The following TMX3 variants were observed in gnomAD, a reference collection of about 807,000 sequenced individuals.
TMX3 encodes protein disulfide-isomerase TMX3.
Under a neutral mutation model 64.4 loss-of-function variants are expected in TMX3, and 40 were observed. That is an observed-to-expected ratio of 0.62 (90% confidence interval 0.48 to 0.81). TMX3 has a LOEUF of 0.81. TMX3 is among the 30% of genes least tolerant of loss of function. The pLI is 0.00. For missense variants in TMX3, 497 were observed against 534.5 expected (o/e 0.93, Z 0.69); for synonymous variants, 189 against 175.7 (o/e 1.08, Z -0.60).
intron 4 of TMX3, among the ~76,000 whole-genome samples, 184 bp downstream of exon 4, chr18:68,709,837 C>CATATACTACATACT (rs1555691256): frequency 1.6e-5 from 2 of 127,006 alleles, no homozygotes; most frequent in African/African-American, 9.9e-5. Context: ...ATAAGATTAA[C>CATATACTACATACT]ACACACTACA....
intron 4 of TMX3, among the ~76,000 whole-genome samples, chr18:68,706,740 C>G (rs2030714152): frequency 6.6e-6 from 1 of 152,108 alleles, no homozygotes; most frequent in African/African-American, 2.4e-5. Context: ...CCATTTTTTA[C>G]CTGTTTGATT....
Position 68,700,425 on chromosome 18 carries a change from C to T in TMX3, c.372G>A (p.Glu124=). ...CTTACCCAGATACTCTGTGAGCAAA[C>T]TCAATAATATCATCTTTTGTTCGTG... is the stretch of plus-strand genomic sequence containing the variant. The part of the protein sequence containing the change: ...RGPRTKDDII[E]FAHRVSGALI... Residue 124 remains glutamate (E), a synonymous_variant, in exon 6 of 16, where the codon GAG becomes GAA. Coordinates refer to ENST00000299608, the MANE Select transcript of TMX3 (RefSeq NM_019022.5). The T allele has an allele frequency of 1.3e-6, 2 of 1,577,732 alleles. No homozygotes were observed. Among genetic ancestry groups the T allele is most frequent in the Non-Finnish European group, 1.7e-6 (2 of 1,163,812 alleles).
chr18:68,700,374 C>G (rs779271564), intron 6 of TMX3, 31 bp downstream of exon 6: 5 of 1,364,650 alleles, frequency 3.7e-6, no homozygotes, highest in Non-Finnish European at 5.0e-6. Flanking sequence ...ATATTAATAA[C>G]ATACAGTAAA....
chr18:68,676,704 C>A lies in TMX3; in HGVS notation c.*229G>T, dbSNP rs976710074. ...ATTGTTCTGTTCTAATCACAAAGAT[C>A]AGGTAAATTTTGATGGAGTGCTCTG... On this transcript the variant is annotated 3_prime_UTR_variant, in exon 16 of 16. Transcript: ENST00000299608. 2 of 539,616 alleles carry A rather than the reference C, an allele frequency of 3.7e-6. No individual in the cohort carries two copies. The highest frequency in any genetic ancestry group is 3.8e-5 in the African/African-American group (2 of 52,484). 33.4% of individuals were successfully genotyped at this position (539,616 alleles called of 1,614,324 possible).
At chr18:68,701,006 C>A in intron 5 of TMX3, 1 of 984,910 alleles carries the variant, frequency 1.0e-6, no homozygotes, top group Non-Finnish European at 1.2e-6. Context: ...AATCTGTGTG[C>A]CTAATTAACT....
rs570633287 is a variant in TMX3 at position 68,677,908 on chromosome 18, T to C, written c.1105-715A>G. ...GGATGAGTGAGAAGGAGGCAGGATA[T>C]GGGACAAGTGAGCACCAGGCAATTT... On this transcript the variant is annotated intron_variant, in intron 15 of 15. Transcript: ENST00000299608. Among the ~76,000 whole-genome samples the C allele has an allele frequency of 2.0e-5, 3 of 152,246 alleles. No homozygotes were observed. In the East Asian group the frequency reaches 5.8e-4, roughly 29 times the overall value.
At position 68,681,116 on chromosome 18, in the gene TMX3, A is replaced by G; in HGVS notation, c.906-6T>C. 6.5e-7 allele frequency: 1 copy of G among 1,549,646 alleles called. No individual in the cohort carries two copies. The highest frequency in any genetic ancestry group is 8.7e-7 in the Non-Finnish European group (1 of 1,150,798). ...CAGTTGGGACTGTCAATTCACTGAA[A>G]ATATAAAAACAAATCAAAATATACA... On this transcript the variant is annotated splice_region_variant and splice_polypyrimidine_tract_variant and intron_variant, in intron 13 of 15. Transcript: ENST00000299608.
At position 68,713,874 on chromosome 18, in the gene TMX3, TAC is replaced by T; in HGVS notation, c.71_72del (p.Cys24Ter). 1 of 1,578,626 alleles carries T rather than the reference TAC, an allele frequency of 6.3e-7. No homozygotes were observed. Among genetic ancestry groups the T allele is most frequent in the Non-Finnish European group, 8.7e-7 (1 of 1,154,146 alleles). ...ATVVVLDMVV[C>X]KGFVEDLDES... ...TCATCTAAATCTTCTACAAATCCTT[TAC>T]AGACGACCATATCAAGTACAACAAC... is the stretch of plus-strand genomic sequence containing the variant. On this transcript the variant is annotated frameshift_variant, in exon 2 of 16. Coordinates refer to ENST00000299608, the MANE Select transcript of TMX3 (RefSeq NM_019022.5). LOFTEE classifies it high-confidence loss of function.
intron 8 of TMX3, among the ~76,000 whole-genome samples, chr18:68,695,414 CT>C (rs1413629182): frequency 6.6e-6 from 1 of 152,178 alleles, no homozygotes. Flanking sequence ...CTTGACTTAA[CT>C]CTAGACCCCT....
chr18:68,692,936 C>CTAGA (rs1914663723), intron 8 of TMX3, among the ~76,000 whole-genome samples: 1 of 152,190 alleles, frequency 6.6e-6, no homozygotes, highest in South Asian at 2.1e-4. Flanking sequence ...GTGCCAGCAC[C>CTAGA]TAGAACACAG....
chr18:68,690,643 G>A (rs777620456), intron 9 of TMX3, among the ~76,000 whole-genome samples: 1 of 152,158 alleles, frequency 6.6e-6, no homozygotes, highest in African/African-American at 2.4e-5. Context: ...AAAGCACATG[G>A]TGATGAAATG....
At chr18:68,711,605 A>G (rs927591181) in intron 2 of TMX3, among the ~76,000 whole-genome samples, 1 of 152,226 alleles carries the variant, frequency 6.6e-6, no homozygotes, top group African/African-American at 2.4e-5. Flanking sequence ...TGATAAAGTA[A>G]TTAGGAGGAA....
intron 2 of TMX3, among the ~76,000 whole-genome samples, chr18:68,711,708 A>G (rs2031294904): frequency 1.3e-5 from 2 of 152,340 alleles, no homozygotes; most frequent in South Asian, 4.1e-4. Flanking sequence ...ACACCTGTTT[A>G]GAAAAGGTAC....
At chr18:68,678,896 T>A (rs1648505652) in intron 15 of TMX3, among the ~76,000 whole-genome samples, 2 of 150,646 alleles carry the variant, frequency 1.3e-5, no homozygotes, top group Admixed American at 6.6e-5. Flanking sequence ...TTTAAAGTGT[T>A]CTATAAAAAG....
At chr18:68,677,326 T>C (rs1001300574) in intron 15 of TMX3, 133 bp from the exon 16 acceptor site, 4 of 912,406 alleles carry the variant, frequency 4.4e-6, no homozygotes, top group Non-Finnish European at 6.5e-6. Context: ...GAATCAATCA[T>C]TTCAGCAGTA....
chr18:68,677,274 T>C (rs1260730178), intron 15 of TMX3, 81 bp from the exon 16 acceptor site: 6 of 1,438,872 alleles, frequency 4.2e-6, no homozygotes, highest in African/African-American at 1.4e-5. Context: ...GAAACCACTA[T>C]AGATTTCTCT....
chr18:68,685,052 T>C (rs1913810036), intron 10 of TMX3, among the ~76,000 whole-genome samples: 1 of 152,160 alleles, frequency 6.6e-6, no homozygotes, highest in Non-Finnish European at 1.5e-5. Context: ...TATCCTGATA[T>C]CTTCTAGGAA....
Position 68,674,901 on chromosome 18 carries a change from AAAC to A in TMX3, c.*2029_*2031del, listed in dbSNP as rs1194595861. The A allele has an allele frequency of 3.3e-5, 5 of 152,164 alleles. No homozygotes were observed. The highest frequency in any genetic ancestry group is 7.2e-5 in the African/African-American group (3 of 41,456). 9.4% of individuals were successfully genotyped at this position (152,164 alleles called of 1,614,324 possible). On this transcript the variant is annotated 3_prime_UTR_variant, in exon 16 of 16. Coordinates refer to ENST00000299608, the MANE Select transcript of TMX3 (RefSeq NM_019022.5). ...GCAGAGAACTGAGGCATTCATTTAT[AAAC>A]AACATCACAGAATATAAACGAAGAT...
At position 68,674,035 on chromosome 18, in the gene TMX3, C is replaced by T. The variant is rs1912734304; in HGVS notation, c.*2898G>A. ...GAAAATATGTTACTTTTTGCAACAC[C>T]AAAATAAAAAGGTCCCAAAGCAAAA... On this transcript the variant is annotated 3_prime_UTR_variant, in exon 16 of 16. Coordinates refer to ENST00000299608, the MANE Select transcript of TMX3 (RefSeq NM_019022.5). 1 of 151,846 alleles carries T rather than the reference C, an allele frequency of 6.6e-6. No individual in the cohort carries two copies. Among genetic ancestry groups the T allele is most frequent in the Non-Finnish European group, 1.5e-5 (1 of 67,952 alleles). 9.4% of individuals were successfully genotyped at this position (151,846 alleles called of 1,614,324 possible).
Sources: allele counts gnomAD v4.1 joint callset (sites outside exome capture counted in the v4.1 genomes callset), GRCh38; gene constraint gnomAD v4.1.1; transcripts MANE v1.5; gene names NCBI Gene and HGNC (gene_info 2026-07-23, HGNC 2026-07-21).